Variants in DOCK8 observed in about 807,000 individuals in gnomAD.
DOCK8 encodes the protein dedicator of cytokinesis protein 8.
Under a neutral mutation model 245.6 loss-of-function variants are expected in DOCK8, and 141 were observed. That is an observed-to-expected ratio of 0.57 (90% CI 0.50 to 0.66). The LOEUF (loss-of-function observed/expected upper bound fraction) is 0.66. DOCK8 is among the 30% of genes least tolerant of loss of function. The pLI is 0.00. For synonymous variants in DOCK8, 1,168 were observed against 970.2 expected (o/e 1.20, Z -3.79); for missense variants, 2,965 against 2,603.4 (o/e 1.14, Z -3.02).
intron 14 of DOCK8, among the ~76,000 whole-genome samples, chr9:349,795 C>T (rs2052070258): frequency 6.6e-6 from 1 of 152,146 alleles, no homozygotes; most frequent in South Asian, 2.1e-4. Flanking sequence ...CAAATGTACA[C>T]AATAGTCTCT....
At chr9:298,260 A>G (rs753921383) in intron 4 of DOCK8, among the ~76,000 whole-genome samples, 1 of 152,124 alleles carries the variant, frequency 6.6e-6, no homozygotes, top group Non-Finnish European at 1.5e-5. Context: ...CCCCGTCTCT[A>G]CTAAAAATAC....
In DOCK8 at chr9:336,700, T is replaced by C. The variant is rs1326832428; in HGVS notation, c.1404T>C (p.Val468=). Residue 468 remains valine, a synonymous_variant, in exon 12 of 48, where the codon GTT becomes GTC. Transcript: ENST00000432829. ...GSNFKTSTLS[V]SSFFKQEGDR... ...ACTTCAAAACCTCCACTCTGAGCGT[T>C]AGCAGCTTTTTCAAGCAGGTATCTC... 1 of 1,614,038 alleles carries C rather than the reference T, an allele frequency of 6.2e-7. No individual in the cohort carries two copies. The highest frequency in any genetic ancestry group is 1.1e-5 in the South Asian group (1 of 91,074).
chr9:408,868 A>G lies in DOCK8; in HGVS notation c.3530+1799A>G, dbSNP rs757019705. ...AGGTAGATACATTCTTCAAACACAC[A>G]CACACACACACACACACACGCACAC... On this transcript the variant is annotated intron_variant, in intron 28 of 47. Transcript: ENST00000432829. Among the ~76,000 whole-genome samples, 12 of 54,598 alleles carry G rather than the reference A, an allele frequency of 2.2e-4. No homozygotes were observed. In the South Asian group the frequency reaches 5.9e-3, roughly 27 times the overall value. 35.8% of individuals were successfully genotyped at this position (54,598 alleles called of 152,430 possible). A position where few individuals can be genotyped will look rare whatever the true frequency, so the allele number is the denominator to read the frequency against.
chr9:227,420 G>A (rs2047013619), intron 1 of DOCK8, among the ~76,000 whole-genome samples: 1 of 152,142 alleles, frequency 6.6e-6, no homozygotes. Context: ...GTCACTTGGA[G>A]GTGAAGAGAT....
At chr9:251,751 G>T (rs1254029257) in intron 1 of DOCK8, among the ~76,000 whole-genome samples, 1 of 152,036 alleles carries the variant, frequency 6.6e-6, no homozygotes, top group Admixed American at 6.5e-5. Flanking sequence ...GGACTACATG[G>T]GCTAACGATC....
intron 1 of DOCK8, among the ~76,000 whole-genome samples, chr9:248,747 G>GC (rs1286992904): frequency 1.3e-5 from 2 of 152,130 alleles, no homozygotes; most frequent in Non-Finnish European, 2.9e-5. Context: ...TTGGTTTGTG[G>GC]CTGTAAGTAC....
intron 23 of DOCK8, among the ~76,000 whole-genome samples, chr9:388,358 G>T (rs537427812): frequency 7.9e-5 from 12 of 152,276 alleles, no homozygotes; most frequent in Non-Finnish European, 1.5e-4. Context: ...AGTGAAACCA[G>T]TCGATAAGCT....
intron 26 of DOCK8, among the ~76,000 whole-genome samples, chr9:404,389 A>G (rs1466317625): frequency 6.6e-6 from 1 of 152,006 alleles, no homozygotes; most frequent in African/African-American, 2.4e-5. Context: ...AGTTTTTTGC[A>G]GGTACTATGT....
chr9:373,226 C>A (rs1472109339), intron 18 of DOCK8, among the ~76,000 whole-genome samples: 2 of 152,120 alleles, frequency 1.3e-5, no homozygotes, highest in African/African-American at 4.8e-5. Context: ...CCTGACTGCA[C>A]CAGCTGTCAC....
At chr9:383,108 C>G (rs141698122) in intron 22 of DOCK8, among the ~76,000 whole-genome samples, 2 of 152,274 alleles carry the variant, frequency 1.3e-5, no homozygotes, top group Non-Finnish European at 2.9e-5. Flanking sequence ...ACAAAAAAGT[C>G]CAAAGGAACA....
At chr9:286,054 G>C (rs954315682) in intron 2 of DOCK8, among the ~76,000 whole-genome samples, 2 of 152,190 alleles carry the variant, frequency 1.3e-5, no homozygotes, top group Non-Finnish European at 2.9e-5. Flanking sequence ...AGTTTGCCTG[G>C]ATTTCTGGAA....
At chr9:424,670 A>T (rs1016184896) in intron 33 of DOCK8, among the ~76,000 whole-genome samples, 1 of 152,202 alleles carries the variant, frequency 6.6e-6, no homozygotes, top group African/African-American at 2.4e-5. Context: ...TTAACCTCCC[A>T]AAGTGGTGGG....
chr9:448,035 C>CTTCCT (rs1166962882), intron 44 of DOCK8, among the ~76,000 whole-genome samples: 2 of 152,062 alleles, frequency 1.3e-5, no homozygotes, highest in Non-Finnish European at 2.9e-5. Context: ...TCATTCCTGC[C>CTTCCT]TTCCTTTCCT....
chr9:428,536 G>A (rs1265124470), intron 35 of DOCK8, 40 bp downstream of exon 35: 1 of 1,612,524 alleles, frequency 6.2e-7, no homozygotes, highest in Non-Finnish European at 8.5e-7. Flanking sequence ...TTAATTAAGA[G>A]TAAGATTCTC....
chr9:290,283 G>A lies in DOCK8; in HGVS notation c.404+702G>A, dbSNP rs182529199. Reference sequence around the variant, plus strand: ...AACATTATGAGGTTTTTTTTTTTGCGATTTTTTTAAAGCTCATTAGCTATT... The same window carrying A: ...AACATTATGAGGTTTTTTTTTTTGCAATTTTTTTAAAGCTCATTAGCTATT... On this transcript the variant is annotated intron_variant, in intron 4 of 47. Transcript: ENST00000432829. Among the ~76,000 whole-genome samples the A allele has an allele frequency of 1.7e-4, 25 of 150,774 alleles. No individual in the cohort carries two copies. In the East Asian group the frequency reaches 4.5e-3, roughly 27 times the overall value.
At chr9:356,580 C>T (rs1346019301) in intron 14 of DOCK8, among the ~76,000 whole-genome samples, 1 of 151,878 alleles carries the variant, frequency 6.6e-6, no homozygotes, top group East Asian at 1.9e-4. Flanking sequence ...CCCACCTTCC[C>T]TTGCTTCATC....
In DOCK8 at chr9:317,028, T is replaced by C. The variant is rs111627162; in HGVS notation, c.742-15T>C. The stretch of plus-strand genomic sequence containing the variant: ...GAATTCACTAATGATTTCCTTACGA[T>C]GTGATTAAAAATAGGAGGATGCTGT... On this transcript the variant is annotated splice_polypyrimidine_tract_variant and intron_variant, in intron 6 of 47. Coordinates refer to ENST00000432829, the MANE Select transcript of DOCK8 (RefSeq NM_203447.4). The C allele has an allele frequency of 6.9e-6, 11 of 1,599,098 alleles. No homozygotes were observed. The highest frequency in any genetic ancestry group is 1.7e-5 in the Admixed American group (1 of 59,986).
At chr9:364,983 A>T (rs1043675388) in intron 14 of DOCK8, among the ~76,000 whole-genome samples, 2 of 152,198 alleles carry the variant, frequency 1.3e-5, no homozygotes, top group Non-Finnish European at 2.9e-5. Context: ...GTGAATGGGG[A>T]AGCCCTCTGG....
chr9:262,764 T>C (rs1378230841), intron 1 of DOCK8, among the ~76,000 whole-genome samples: 3 of 152,298 alleles, frequency 2.0e-5, no homozygotes, highest in Non-Finnish European at 4.4e-5. Flanking sequence ...TATCTAATTG[T>C]ATACTTTAAA....
Sources: gnomAD v4.1 joint callset for allele counts (sites outside exome capture counted in the v4.1 genomes callset) on GRCh38, gnomAD v4.1.1 for gene constraint, MANE v1.5 for transcripts, NCBI Gene and HGNC (gene_info 2026-07-23, HGNC 2026-07-21) for gene names.